The following PAPPA2 variants were observed in gnomAD, a reference collection of about 807,000 sequenced individuals.
PAPPA2 encodes pappalysin-2.
PAPPA2 carries 86 observed loss-of-function variants against 176.4 expected under a neutral mutation model. The ratio of observed to expected loss-of-function variants is 0.49; its 90% CI spans 0.41 to 0.58. The LOEUF is 0.58. PAPPA2 is among the 20% of genes least tolerant of loss of function. The pLI, the probability that PAPPA2 is intolerant of heterozygous loss-of-function variation, is 0.00. For synonymous variants in PAPPA2, 809 were observed against 852.2 expected, an observed-to-expected ratio of 0.95 and a Z score of 0.88; for missense variants, 2,073 against 2,256.9, an observed-to-expected ratio of 0.92 and a Z score of 1.65.
chr1:176,735,604 A>G (rs1662360664), intron 12 of PAPPA2, among the ~76,000 whole-genome samples: 1 of 152,082 alleles, frequency 6.6e-6, no homozygotes, highest in South Asian at 2.1e-4. Flanking sequence ...CAATGGTTAG[A>G]TTGCGTAGTT....
At chr1:176,736,842 A>G (rs1662440785) in intron 12 of PAPPA2, among the ~76,000 whole-genome samples, 1 of 151,754 alleles carries the variant, frequency 6.6e-6, no homozygotes, top group East Asian at 1.9e-4. Context: ...TATAAAGTAG[A>G]GATATATTCT....
chr1:176,643,992 G>A (rs1292756003), intron 3 of PAPPA2, among the ~76,000 whole-genome samples: 1 of 151,780 alleles, frequency 6.6e-6, no homozygotes, highest in African/African-American at 2.4e-5. Context: ...CTGTGGGTGT[G>A]TATGAAATTC....
intron 6 of PAPPA2, 152 bp from the exon 7 acceptor site, chr1:176,695,586 A>C (rs1305741965): frequency 8.2e-6 from 7 of 857,350 alleles, no homozygotes; most frequent in Non-Finnish European, 1.2e-5. Flanking sequence ...ACAAGAAAAA[A>C]CGATTGAGAT....
chr1:176,835,288 A>G (rs1414270391), intron 21 of PAPPA2, among the ~76,000 whole-genome samples: 11 of 152,188 alleles, frequency 7.2e-5, no homozygotes, highest in African/African-American at 2.7e-4. Context: ...TCATTTCATC[A>G]TTTGTAAAAT....
At chr1:176,588,745 G>A (rs1558455915) in intron 2 of PAPPA2, among the ~76,000 whole-genome samples, 2 of 152,180 alleles carry the variant, frequency 1.3e-5, no homozygotes, top group Non-Finnish European at 2.9e-5. Flanking sequence ...GCTAGCTGGG[G>A]GTCTGGCTCA....
In PAPPA2 at chr1:176,623,818, C is replaced by CT. The variant is rs771767636; in HGVS notation, c.1991+28225dup. ...TTCTTTCTTTCTTTCTTCTTTCTTTCTTCTCTCTCTCTCTCTGTCTCTCTC... is the reference window on the plus strand; with the variant it reads ...TTCTTTCTTTCTTTCTTCTTTCTTTCTTTCTCTCTCTCTCTCTGTCTCTCTC... On this transcript the variant is annotated intron_variant, in intron 3 of 22. Transcript: ENST00000367662. Among the ~76,000 whole-genome samples the CT allele has an allele frequency of 1.6e-3, 120 of 74,624 alleles. 1 individual carries two copies. The highest frequency in any genetic ancestry group is 2.4e-3 in the Non-Finnish European group (86 of 36,390). 49.0% of individuals were successfully genotyped at this position (74,624 alleles called of 152,430 possible).
intron 21 of PAPPA2, among the ~76,000 whole-genome samples, chr1:176,807,774 G>A (rs868072973): frequency 1.6e-4 from 24 of 152,140 alleles, no homozygotes; most frequent in Middle Eastern, 6.8e-3. Context: ...GGGATTACAG[G>A]CGTGAGCCAC....
chr1:176,573,308 T>C (rs769476408), intron 2 of PAPPA2, among the ~76,000 whole-genome samples: 6 of 152,186 alleles, frequency 3.9e-5, no homozygotes, highest in Non-Finnish European at 5.9e-5. Context: ...TGGAAGATCA[T>C]CTTGATAGAA....
chr1:176,762,070 G>A (rs1447173586), intron 14 of PAPPA2, among the ~76,000 whole-genome samples: 1 of 152,162 alleles, frequency 6.6e-6, no homozygotes, highest in African/African-American at 2.4e-5. Context: ...GGGTTGGGGT[G>A]CAAGGGAGAG....
chr1:176,838,573 C>G (rs985062556), intron 21 of PAPPA2, among the ~76,000 whole-genome samples: 2 of 152,174 alleles, frequency 1.3e-5, no homozygotes, highest in Non-Finnish European at 2.9e-5. Context: ...CCAAGAGCAT[C>G]TATAGGTGTT....
At chr1:176,721,471 A>G (rs1215763172) in intron 12 of PAPPA2, among the ~76,000 whole-genome samples, 1 of 152,182 alleles carries the variant, frequency 6.6e-6, no homozygotes, top group East Asian at 1.9e-4. Context: ...CCTGCTGGCA[A>G]TGAGTTCTTT....
intron 22 of PAPPA2, 30 bp downstream of exon 22, chr1:176,840,301 G>C (rs770053624): frequency 1.1e-5 from 17 of 1,557,836 alleles, no homozygotes; most frequent in Non-Finnish European, 1.5e-5. Context: ...GATGGGGGAG[G>C]CAGTGGCTTC....
chr1:176,786,425 A>G (rs1333160259), intron 17 of PAPPA2, among the ~76,000 whole-genome samples: 2 of 152,152 alleles, frequency 1.3e-5, no homozygotes, highest in Non-Finnish European at 2.9e-5. Flanking sequence ...GGGGCTAGAC[A>G]TGTTCTGTAT....
intron 3 of PAPPA2, among the ~76,000 whole-genome samples, chr1:176,642,256 T>A (rs1215144874): frequency 6.6e-6 from 1 of 151,904 alleles, no homozygotes; most frequent in African/African-American, 2.4e-5. Context: ...AAGGATAATT[T>A]AAATAACAAT....
chr1:176,526,285 G>A (rs1645895386), intron 1 of PAPPA2, among the ~76,000 whole-genome samples: 1 of 152,200 alleles, frequency 6.6e-6, no homozygotes, highest in South Asian at 2.1e-4. Flanking sequence ...ACCCATTGCT[G>A]TTTCTCATGA....
chr1:176,706,086 T>C (rs1440527118), intron 9 of PAPPA2, among the ~76,000 whole-genome samples: 2 of 152,180 alleles, frequency 1.3e-5, no homozygotes, highest in African/African-American at 4.8e-5. Flanking sequence ...CTCATGGATC[T>C]CCTAGATGTT....
chr1:176,791,726 G>C (rs918049714), intron 19 of PAPPA2, among the ~76,000 whole-genome samples: 1 of 151,954 alleles, frequency 6.6e-6, no homozygotes, highest in African/African-American at 2.4e-5. Context: ...GCTAATTTTT[G>C]TGTTTTTAGT....
rs1288836108 is a variant in PAPPA2 at position 176,843,671 on chromosome 1, G to A, written c.*1217G>A. 1 of 152,112 alleles carries A rather than the reference G, an allele frequency of 6.6e-6. No homozygotes were observed. The highest frequency in any genetic ancestry group is 1.5e-5 in the Non-Finnish European group (1 of 68,026). The allele number at this position is 152,112 out of a possible 1,614,324, so 9.4% of individuals were successfully genotyped here. On this transcript the variant is annotated 3_prime_UTR_variant, in exon 23 of 23. Coordinates refer to ENST00000367662, the MANE Select transcript of PAPPA2 (RefSeq NM_020318.3). ...AAAAATTTTATGGAAATGATATAGG[G>A]GAAAGGTGGGAGGAGATGAAAGAAC...
At chr1:176,513,104 A>C (rs1648709467) in intron 1 of PAPPA2, among the ~76,000 whole-genome samples, 1 of 152,132 alleles carries the variant, frequency 6.6e-6, no homozygotes, top group Admixed American at 6.6e-5. Context: ...CTGGGCCTGG[A>C]CTTAACTTAG....
Sources: gnomAD v4.1 joint callset for allele counts (sites outside exome capture counted in the v4.1 genomes callset) on GRCh38, gnomAD v4.1.1 for gene constraint, MANE v1.5 for transcripts, NCBI Gene and HGNC (gene_info 2026-07-23, HGNC 2026-07-21) for gene names.